The following CCDC198 variants were observed in gnomAD, a reference collection of about 807,000 sequenced individuals.
The protein encoded by CCDC198 is coiled-coil domain containing 198, also known as factor associated with metabolism and energy.
Under a neutral mutation model 35.6 loss-of-function variants are expected in CCDC198, and 18 were observed. The ratio of observed to expected loss-of-function variants is 0.51; its 90% CI spans 0.35 to 0.75. CCDC198 has a LOEUF of 0.75. Ranked by LOEUF, CCDC198 falls within the 30% of genes least tolerant of loss-of-function variation. CCDC198 has a pLI of 0.01. For synonymous variants in CCDC198, 119 were observed against 113.4 expected (o/e 1.05, Z -0.31); for missense variants, 365 against 343.7 (o/e 1.06, Z -0.49).
chr14:57,475,805 T>TC, intron 5 of CCDC198: 2 of 298,108 alleles, frequency 6.7e-6, no homozygotes, highest in African/African-American at 3.4e-5. Flanking sequence ...TTTTTTTTTT[T>TC]TTTTTTTTTT....
chr14:57,476,446 C>T (rs1473096515), intron 5 of CCDC198, among the ~76,000 whole-genome samples: 1 of 152,082 alleles, frequency 6.6e-6, no homozygotes, highest in African/African-American at 2.4e-5. Context: ...CCTCTGTGTT[C>T]ATTCATGTCA....
chr14:57,488,202 G>A (rs1411321032), intron 2 of CCDC198, among the ~76,000 whole-genome samples: 3 of 152,180 alleles, frequency 2.0e-5, no homozygotes, highest in African/African-American at 7.2e-5. Context: ...AAAGAGTATA[G>A]CAAATGCACA....
rs543984465 is a variant in CCDC198, at chr14:57,475,533, C to G, written c.656-3943G>C. ...ACCAGCTTGGCCAACATGGTGAAAC[C>G]TCGTCTCTACTACAAATACAAAAGT... On this transcript the variant is annotated intron_variant, in intron 5 of 5. Coordinates refer to ENST00000216445, the MANE Select transcript of CCDC198 (RefSeq NM_018168.4). The G allele has an allele frequency of 1.0e-3, 699 of 698,020 alleles. 7 individuals are homozygous for G. The African/African-American group carries it at 0.012, about 12-fold the overall frequency. 43.2% of individuals were successfully genotyped at this position (698,020 alleles called of 1,614,324 possible).
At chr14:57,479,364 C>T (rs78484569) in intron 5 of CCDC198, among the ~76,000 whole-genome samples, 3,699 of 152,234 alleles carry the variant, frequency 0.024, 66 homozygotes, top group Non-Finnish European at 0.04. Context: ...GCTGGGACTA[C>T]GGGCATGAGT....
chr14:57,471,607 T>C lies in CCDC198; in HGVS notation c.656-17A>G, dbSNP rs2066821630. 2.1e-6 allele frequency: 3 copies of C among 1,399,522 alleles called. No individual in the cohort carries two copies. Among genetic ancestry groups the C allele is most frequent in the Non-Finnish European group, 2.9e-6 (3 of 1,020,616 alleles). 86.7% of individuals were successfully genotyped at this position (1,399,522 alleles called of 1,614,324 possible). A position where few individuals can be genotyped will look rare whatever the true frequency, so the allele number is the denominator to read the frequency against. On this transcript the variant is annotated splice_polypyrimidine_tract_variant and intron_variant, in intron 5 of 5. Coordinates refer to ENST00000216445, the MANE Select transcript of CCDC198 (RefSeq NM_018168.4). ...TTGAATTTCCTACAAAAAAATTAAG[T>C]TTCTTTAATTTTTTCCCTTAGCAAT...
intron 5 of CCDC198, 66 bp from the exon 6 acceptor site, chr14:57,471,656 T>C: frequency 1.2e-6 from 1 of 827,174 alleles, no homozygotes; most frequent in Non-Finnish European, 1.9e-6. Flanking sequence ...ATTAAGTGCC[T>C]AGCTTAATAA....
rs551940709 is a variant in CCDC198 at position 57,483,491 on chromosome 14, C to T, written c.307-340G>A. Among the ~76,000 whole-genome samples, 39 of 152,228 alleles carry T rather than the reference C, an allele frequency of 2.6e-4. No homozygotes were observed. The East Asian group carries it at 3.5e-3, about 14-fold the overall frequency. On this transcript the variant is annotated intron_variant, in intron 2 of 5. Transcript: ENST00000216445. ...CTTAGAATATTAGAGATAAAAGAGG[C>T]GCTAGGAATTTATTTTATTTCACAC...
chr14:57,483,415 T>A (rs1164941177), intron 2 of CCDC198: 4 of 411,440 alleles, frequency 9.7e-6, no homozygotes, highest in Admixed American at 3.8e-5. Context: ...ACTAAGATAC[T>A]CTTCTGTCTG....
intron 5 of CCDC198, chr14:57,479,086 A>T (rs770641576): frequency 7.9e-5 from 93 of 1,181,036 alleles, no homozygotes; most frequent in Non-Finnish European, 1.0e-4. Flanking sequence ...AATGTAGCGT[A>T]GAAGTTGTAG....
chr14:57,472,263 C>T (rs1228327725), intron 5 of CCDC198, among the ~76,000 whole-genome samples: 2 of 152,018 alleles, frequency 1.3e-5, no homozygotes. Context: ...CTCTTTCTTT[C>T]TCCCACAATC....
chr14:57,478,529 A>G (rs886233482), intron 5 of CCDC198: 73 of 986,710 alleles, frequency 7.4e-5, no homozygotes, highest in Non-Finnish European at 8.7e-5. Flanking sequence ...CCCTTTCTCC[A>G]TGTGCCAGTT....
chr14:57,492,590 A>G (rs892852360), intron 1 of CCDC198, among the ~76,000 whole-genome samples: 2 of 152,020 alleles, frequency 1.3e-5, no homozygotes, highest in Non-Finnish European at 2.9e-5. Context: ...GAACATAAAA[A>G]CAGGCCATAT....
rs77462979 is a variant in CCDC198, at chr14:57,487,161, A to G, written c.306+3828T>C. 9.2e-5 allele frequency among the ~76,000 whole-genome samples: 14 copies of G among 152,328 alleles called. No individual in the cohort carries two copies. In the East Asian group the frequency reaches 2.3e-3, roughly 25 times the overall value. ...TCACTTCATCATCTTCAAAGAGAAC[A>G]CAATGGAAGGAACTACCAGAGAATC... is the stretch of plus-strand genomic sequence containing the variant. On this transcript the variant is annotated intron_variant, in intron 2 of 5. Coordinates refer to ENST00000216445, the MANE Select transcript of CCDC198 (RefSeq NM_018168.4).
At chr14:57,486,897 C>G (rs2067380035) in intron 2 of CCDC198, among the ~76,000 whole-genome samples, 1 of 152,094 alleles carries the variant, frequency 6.6e-6, no homozygotes, top group African/African-American at 2.4e-5. Context: ...TGAGTTTCTC[C>G]CTGGCGTTTG....
At chr14:57,490,525 G>T (rs912690982) in intron 2 of CCDC198, among the ~76,000 whole-genome samples, 10 of 152,064 alleles carry the variant, frequency 6.6e-5, no homozygotes, top group Admixed American at 5.2e-4. Context: ...TGAGTCTTTG[G>T]GGGTAGTTAC....
In CCDC198 at chr14:57,483,137, A is replaced by C. The variant is rs146784735; in HGVS notation, c.321T>G (p.Ile107Met). 6.2e-7 allele frequency: 1 copy of C among 1,614,020 alleles called. No homozygotes were observed. The highest frequency in any genetic ancestry group is 8.5e-7 in the Non-Finnish European group (1 of 1,179,958). The change falls in exon 3 of 6, where the codon ATT (isoleucine) becomes ATG (methionine). Residue 107 changes from isoleucine (I) to methionine (M), a missense_variant. By Grantham distance (10) the Ile-to-Met change is conservative. Transcript: ENST00000216445. ...CTGAAGTAATTACTCGTGGCAAGTCAATGGGTTCAAGCTTCTAGAAGTTCA... is the reference window on the plus strand; with the variant it reads ...CTGAAGTAATTACTCGTGGCAAGTCCATGGGTTCAAGCTTCTAGAAGTTCA... ...PPQRLQKLEP[I>M]DLPRVITSGR...
Position 57,481,680 on chromosome 14 carries a change from T to G in CCDC198, c.394-20A>C, listed in dbSNP as rs769600233. The G allele has an allele frequency of 4.8e-6, 7 of 1,462,938 alleles. No homozygotes were observed. Among genetic ancestry groups the G allele is most frequent in the Non-Finnish European group, 6.7e-6 (7 of 1,047,184 alleles). The allele number at this position is 1,462,938 out of a possible 1,614,324, so 90.6% of individuals were successfully genotyped here. Reference sequence around the variant, plus strand: ...TACCTGCTATGAAAGACAACACACTTGTTAGTATGGGGTAATTTGTTACTG... The same window carrying G: ...TACCTGCTATGAAAGACAACACACTGGTTAGTATGGGGTAATTTGTTACTG... On this transcript the variant is annotated intron_variant, in intron 3 of 5. Coordinates refer to ENST00000216445, the MANE Select transcript of CCDC198 (RefSeq NM_018168.4).
intron 5 of CCDC198, among the ~76,000 whole-genome samples, chr14:57,477,127 A>C (rs960845847): frequency 1.3e-5 from 2 of 152,226 alleles, no homozygotes; most frequent in Non-Finnish European, 2.9e-5. Context: ...AGTTAATATG[A>C]AGATTAAATG....
At chr14:57,477,517 G>A (rs1409722407) in intron 5 of CCDC198, among the ~76,000 whole-genome samples, 1 of 152,048 alleles carries the variant, frequency 6.6e-6, no homozygotes, top group Non-Finnish European at 1.5e-5. Flanking sequence ...TACAGGAGTT[G>A]TTACAAAGAA....
Sources: allele counts gnomAD v4.1 joint callset (sites outside exome capture counted in the v4.1 genomes callset), GRCh38; gene constraint gnomAD v4.1.1; transcripts MANE v1.5; gene names NCBI Gene and HGNC (gene_info 2026-07-23, HGNC 2026-07-21).